Variants in MAGEB6 observed in about 807,000 individuals in gnomAD.
MAGEB6 encodes the protein melanoma-associated antigen B6.
For synonymous variants in MAGEB6, 128 were observed against 136.2 expected (o/e 0.94, Z 0.42); for missense variants, 327 against 329.7 (o/e 0.99, Z 0.06).
At position 26,195,012 on chromosome X, in the gene MAGEB6, A is replaced by G; in HGVS notation, c.1166A>G (p.His389Arg). ...AACACCAGTCCCGGTTTATACCCACATCTGTATGAAGACGCTTTGATAGAT... is the reference window on the plus strand; with the variant it reads ...AACACCAGTCCCGGTTTATACCCACGTCTGTATGAAGACGCTTTGATAGAT... ...SSNTSPGLYPHLYEDALIDEV... is the reference protein window; with the variant it reads ...SSNTSPGLYPRLYEDALIDEV... The change falls in exon 2 of 2, where the codon CAT (histidine) becomes CGT (arginine). Residue 389 changes from histidine to arginine, a missense_variant. Coordinates refer to ENST00000379034, the MANE Select transcript of MAGEB6 (RefSeq NM_173523.2). The G allele has an allele frequency of 8.3e-7, 1 of 1,211,493 alleles. No individual in the cohort carries two copies. The highest frequency in any genetic ancestry group is 1.8e-5 in the South Asian group (1 of 56,891).
rs1437536388 is a variant in MAGEB6, at chrX:26,194,747, T to C, written c.901T>C (p.Cys301Arg). 2.2e-5 allele frequency: 27 copies of C among 1,209,776 alleles called. No homozygotes were observed. In the Admixed American group the frequency reaches 3.9e-4, roughly 18 times the overall value. Reference protein sequence around the residue: ...LLVVIFMNGNCATEEEVWEFL... With the variant: ...LLVVIFMNGNRATEEEVWEFL... Reference sequence around the variant, plus strand: ...GGTTGTGATCTTCATGAACGGCAACTGTGCCACTGAAGAGGAGGTCTGGGA... The same window carrying C: ...GGTTGTGATCTTCATGAACGGCAACCGTGCCACTGAAGAGGAGGTCTGGGA... The change falls in exon 2 of 2, where the codon TGT (cysteine) becomes CGT (arginine). Residue 301 changes from cysteine to arginine, a missense_variant. By Grantham distance (180) the Cys-to-Arg change is radical (BLOSUM62 -3). Coordinates refer to ENST00000379034, the MANE Select transcript of MAGEB6 (RefSeq NM_173523.2).
At chrX:26,193,242 T>C (rs376992318) in intron 1 of MAGEB6, among the ~76,000 whole-genome samples, 22 of 109,148 alleles carry the variant, frequency 2.0e-4, no homozygotes, top group African/African-American at 7.3e-4. Context: ...ATGTGCACAA[T>C]GTGCAGGTTT....
chrX:26,194,516 T>C lies in MAGEB6; in HGVS notation c.670T>C (p.Cys224Arg). 8.3e-7 allele frequency: 1 copy of C among 1,211,438 alleles called. No individual in the cohort carries two copies. ...CATTTTGAAGGCAGACATGCTGAAGTGTGTCCGCAGAGAGTACAAGCCCTA... is the reference window on the plus strand; with the variant it reads ...CATTTTGAAGGCAGACATGCTGAAGCGTGTCCGCAGAGAGTACAAGCCCTA... ...ESILKADMLK[C>R]VRREYKPYFP... Residue 224 changes from cysteine (C) to arginine (R), a missense_variant, in exon 2 of 2, where the codon TGT becomes CGT. By Grantham distance (180) the Cys-to-Arg change is radical. Coordinates refer to ENST00000379034, the MANE Select transcript of MAGEB6 (RefSeq NM_173523.2).
In MAGEB6 at chrX:26,194,202, T is replaced by A; in HGVS notation, c.356T>A (p.Val119Asp). 2 of 1,157,305 alleles carry A rather than the reference T, an allele frequency of 1.7e-6. No homozygotes were observed. Among genetic ancestry groups the A allele is most frequent in the South Asian group, 4.0e-5 (2 of 49,772 alleles). Residue 119 changes from valine (V) to aspartate (D), a missense_variant, in exon 2 of 2, where the codon GTT (valine) becomes GAT (aspartate). Coordinates refer to ENST00000379034, the MANE Select transcript of MAGEB6 (RefSeq NM_173523.2). ...ASPTGSPDAG[V>D]SGSKYDVAAN... ...CCCACTGGCTCTCCTGATGCAGGTG[T>A]TTCAGGCTCAAAATATGATGTGGCT...
In MAGEB6 at chrX:26,194,245, G is replaced by C; in HGVS notation, c.399G>C (p.Glu133Asp). The C allele has an allele frequency of 9.9e-6, 12 of 1,207,380 alleles. No homozygotes were observed. Among genetic ancestry groups the C allele is most frequent in the Non-Finnish European group, 1.2e-5 (11 of 893,972 alleles). ...ATGTGGCTGCCAACGGCCAAGATGA[G>C]AAAAGTCCAAGCACTTCCCATGATG... ...KYDVAANGQD[E>D]KSPSTSHDVS... Residue 133 changes from glutamate to aspartate, a missense_variant, in exon 2 of 2, where the codon GAG becomes GAC. Coordinates refer to ENST00000379034, the MANE Select transcript of MAGEB6 (RefSeq NM_173523.2).
Position 26,195,025 on chromosome X carries a change from C to G in MAGEB6, c.1179C>G (p.Asp393Glu), listed in dbSNP as rs759811799. 1 of 1,211,065 alleles carries G rather than the reference C, an allele frequency of 8.3e-7. No homozygotes were observed. The highest frequency in any genetic ancestry group is 1.1e-6 in the Non-Finnish European group (1 of 895,337). ...SPGLYPHLYE[D>E]ALIDEVERAL... is the part of the protein sequence containing the mutation. The stretch of plus-strand genomic sequence containing the variant: ...GTTTATACCCACATCTGTATGAAGA[C>G]GCTTTGATAGATGAGGTAGAGAGAG... The change falls in exon 2 of 2, where the codon GAC becomes GAG. Residue 393 changes from aspartate to glutamate, a missense_variant. Coordinates refer to ENST00000379034, the MANE Select transcript of MAGEB6 (RefSeq NM_173523.2).
At position 26,195,504 on chromosome X, in the gene MAGEB6, C is replaced by T. The variant is rs2146881788; in HGVS notation, c.*434C>T. 7.7e-6 allele frequency: 1 copy of T among 130,672 alleles called. No individual in the cohort carries two copies. The highest frequency in any genetic ancestry group is 1.7e-5 in the Non-Finnish European group (1 of 58,272). The allele number at this position is 130,672 out of a possible 1,213,427, so 10.8% of individuals were successfully genotyped here. Reference sequence around the variant, plus strand: ...TTGATTTTCATATGAATCTTAACTCCACAGTAAAATAGTTGACATCATAAT... The same window carrying T: ...TTGATTTTCATATGAATCTTAACTCTACAGTAAAATAGTTGACATCATAAT... On this transcript the variant is annotated 3_prime_UTR_variant, in exon 2 of 2. Transcript: ENST00000379034.
In MAGEB6 at chrX:26,194,235, G is replaced by A. The variant is rs755787849; in HGVS notation, c.389G>A (p.Gly130Asp). 49 of 1,205,285 alleles carry A rather than the reference G, an allele frequency of 4.1e-5. No individual in the cohort carries two copies. The highest frequency in any genetic ancestry group is 5.5e-5 in the Non-Finnish European group (49 of 892,747). The change falls in exon 2 of 2, where the codon GGC (glycine) becomes GAC (aspartate). Residue 130 changes from glycine (G) to aspartate (D), a missense_variant. By Grantham distance (94) the Gly-to-Asp change is moderately conservative. Transcript: ENST00000379034. ...SGSKYDVAAN[G>D]QDEKSPSTSH... ...TCAAAATATGATGTGGCTGCCAACG[G>A]CCAAGATGAGAAAAGTCCAAGCACT...
Position 26,194,910 on chromosome X carries a change from A to T in MAGEB6, c.1064A>T (p.Tyr355Phe), listed in dbSNP as rs781316600. Residue 355 changes from tyrosine to phenylalanine, a missense_variant, in exon 2 of 2, where the codon TAT (tyrosine) becomes TTT (phenylalanine). Transcript: ENST00000379034. ...GTGTGCAACAGTGATCCTCCATGCT[A>T]TGAGTTCCTGTGGGGTCCACGAGCC... ...RQVCNSDPPC[Y>F]EFLWGPRAYA... 5 of 1,209,852 alleles carry T rather than the reference A, an allele frequency of 4.1e-6. No homozygotes were observed. The highest frequency in any genetic ancestry group is 5.6e-6 in the Non-Finnish European group (5 of 895,236).
At chrX:26,193,743 C>G in intron 1 of MAGEB6, 43 bp from the exon 2 acceptor site, 1 of 950,907 alleles carries the variant, frequency 1.1e-6, no homozygotes, top group Non-Finnish European at 1.4e-6. Flanking sequence ...GATGGTCGCT[C>G]TCTGCTGAAG....
Position 26,194,309 on chromosome X carries a change from G to A in MAGEB6, c.463G>A (p.Gly155Ser). ...PQESQGASPT[G>S]SPDAGVSGSK... ...GGAGTCTCAGGGAGCTTCACCCACT[G>A]GCTCGCCTGATGCAGGTGTTTCAGG... Residue 155 changes from glycine (G) to serine (S), a missense_variant, in exon 2 of 2, where the codon GGC (glycine) becomes AGC (serine). Coordinates refer to ENST00000379034, the MANE Select transcript of MAGEB6 (RefSeq NM_173523.2). 8.3e-7 allele frequency: 1 copy of A among 1,210,901 alleles called. No homozygotes were observed. Among genetic ancestry groups the A allele is most frequent in the Non-Finnish European group, 1.1e-6 (1 of 895,514 alleles).
At chrX:26,193,076 G>T (rs1303139636) in intron 1 of MAGEB6, among the ~76,000 whole-genome samples, 1 of 111,199 alleles carries the variant, frequency 9.0e-6, no homozygotes, top group Non-Finnish European at 1.9e-5. Context: ...AGCCCTAGGT[G>T]GTCTGGGTGT....
At chrX:26,193,001 T>C (rs887413456) in intron 1 of MAGEB6, among the ~76,000 whole-genome samples, 1 of 108,853 alleles carries the variant, frequency 9.2e-6, no homozygotes, top group Admixed American at 9.7e-5. Context: ...GGGTGAGGAG[T>C]CTAATTACTG....
At position 26,195,086 on chromosome X, in the gene MAGEB6, A is replaced by G. The variant is rs769706307; in HGVS notation, c.*16A>G. The G allele has an allele frequency of 5.9e-6, 7 of 1,196,432 alleles. No individual in the cohort carries two copies. Among genetic ancestry groups the G allele is most frequent in the African/African-American group, 1.8e-5 (1 of 56,722 alleles). On this transcript the variant is annotated 3_prime_UTR_variant, in exon 2 of 2. Coordinates refer to ENST00000379034, the MANE Select transcript of MAGEB6 (RefSeq NM_173523.2). Reference sequence around the variant, plus strand: ...GAGAGCTTAAGGCAGGGCTGGCACTATTTCCTTGGCCAGGGTACCTTATGG... The same window carrying G: ...GAGAGCTTAAGGCAGGGCTGGCACTGTTTCCTTGGCCAGGGTACCTTATGG...
At position 26,194,075 on chromosome X, in the gene MAGEB6, G is replaced by A. The variant is rs1929150256; in HGVS notation, c.229G>A (p.Val77Ile). The A allele has an allele frequency of 2.5e-6, 3 of 1,209,831 alleles. No homozygotes were observed. Among genetic ancestry groups the A allele is most frequent in the Non-Finnish European group, 2.2e-6 (2 of 895,227 alleles). The change falls in exon 2 of 2, where the codon GTT becomes ATT. Residue 77 changes from valine to isoleucine, a missense_variant. By Grantham distance (29) the Val-to-Ile change is conservative. Coordinates refer to ENST00000379034, the MANE Select transcript of MAGEB6 (RefSeq NM_173523.2). ...ACCCACTGGGTCTCCTGATGCAGTT[G>A]TTTCATATTCAAAATCCGATGTGGC... ...VSPTGSPDAV[V>I]SYSKSDVAAN...
chrX:26,194,030 C>A lies in MAGEB6; in HGVS notation c.184C>A (p.Gln62Lys). Residue 62 changes from glutamine (Q) to lysine (K), a missense_variant, in exon 2 of 2, where the codon CAG (glutamine) becomes AAG (lysine). Coordinates refer to ENST00000379034, the MANE Select transcript of MAGEB6 (RefSeq NM_173523.2). The part of the protein sequence containing the change: ...CRRSSDASIP[Q>K]ESQGVSPTGS... ...TAGGTCTTCTGATGCCTCCATTCCTCAGGAGTCTCAGGGAGTGTCACCCAC... is the reference window on the plus strand; with the variant it reads ...TAGGTCTTCTGATGCCTCCATTCCTAAGGAGTCTCAGGGAGTGTCACCCAC... 3 of 1,211,689 alleles carry A rather than the reference C, an allele frequency of 2.5e-6. No individual in the cohort carries two copies. The highest frequency in any genetic ancestry group is 3.4e-6 in the Non-Finnish European group (3 of 895,408).
rs758220941 is a variant in MAGEB6, at chrX:26,194,059, G to C, written c.213G>C (p.Gly71=). The stretch of plus-strand genomic sequence containing the variant: ...AGTCTCAGGGAGTGTCACCCACTGG[G>C]TCTCCTGATGCAGTTGTTTCATATT... ...PQESQGVSPT[G]SPDAVVSYSK... The change falls in exon 2 of 2, where the codon GGG becomes GGC. Residue 71 remains glycine, a synonymous_variant. Transcript: ENST00000379034. 8.3e-7 allele frequency: 1 copy of C among 1,210,354 alleles called. No individual in the cohort carries two copies. Among genetic ancestry groups the C allele is most frequent in the Non-Finnish European group, 1.1e-6 (1 of 894,983 alleles).
In MAGEB6 at chrX:26,193,941, C is replaced by T; in HGVS notation, c.95C>T (p.Ala32Val). The T allele has an allele frequency of 8.3e-7, 1 of 1,210,214 alleles. No homozygotes were observed. The highest frequency in any genetic ancestry group is 1.8e-5 in the South Asian group (1 of 56,736). Residue 32 changes from alanine (A) to valine (V), a missense_variant, in exon 2 of 2, where the codon GCA becomes GTA. Coordinates refer to ENST00000379034, the MANE Select transcript of MAGEB6 (RefSeq NM_173523.2). ...GGTCTCACGGGTCCCCAGGCCACTG[C>T]AGAGAAGCAGGAAGAGTCCCACTCT... The part of the protein sequence containing the change: ...PQGLTGPQAT[A>V]EKQEESHSSS...
intron 1 of MAGEB6, among the ~76,000 whole-genome samples, chrX:26,192,979 T>A (rs1929130960): frequency 9.0e-6 from 1 of 110,607 alleles, no homozygotes; most frequent in Non-Finnish European, 1.9e-5. Context: ...TTCCAGGTTG[T>A]GGGAAGAGTC....
Sources: allele counts gnomAD v4.1 joint callset (sites outside exome capture counted in the v4.1 genomes callset), GRCh38; gene constraint gnomAD v4.1.1; transcripts MANE v1.5; gene names NCBI Gene and HGNC (gene_info 2026-07-23, HGNC 2026-07-21).